Variants in XCR1 observed in about 807,000 individuals in gnomAD.
XCR1 encodes X-C motif chemokine receptor 1, also known as chemokine XC receptor 1.
For missense variants in XCR1, 356 were observed against 424.2 expected, an observed-to-expected ratio of 0.84 and a Z score of 1.41; for synonymous variants, 187 against 188.5, an observed-to-expected ratio of 0.99 and a Z score of 0.06.
chr3:46,051,663 G>C (rs1697746492), intron 5 of XCR1, among the ~76,000 whole-genome samples: 1 of 152,188 alleles, frequency 6.6e-6, no homozygotes, highest in Admixed American at 6.5e-5. Flanking sequence ...GGTGTAATTT[G>C]CAGGGAATAA....
chr3:46,029,603 T>C (rs1575412799), upstream of XCR1, among the ~76,000 whole-genome samples: 1 of 152,154 alleles, frequency 6.6e-6, no homozygotes, highest in Admixed American at 6.5e-5. Flanking sequence ...TACTCTTACC[T>C]CACATCATAT....
At chr3:46,026,344 C>T (rs1189967082) in intron 1 of XCR1, among the ~76,000 whole-genome samples, 1 of 152,094 alleles carries the variant, frequency 6.6e-6, no homozygotes, top group Non-Finnish European at 1.5e-5. Context: ...CTGGTTGTCT[C>T]TCTCCCTCCC....
intron 5 of XCR1, among the ~76,000 whole-genome samples, chr3:46,043,769 CCTACTTACA>C (rs1444895871): frequency 2.0e-4 from 29 of 147,594 alleles, no homozygotes; most frequent in African/African-American, 6.2e-4. Flanking sequence ...CACAAGAATG[CCTACTTACA>C]CTACTTCTAT....
At chr3:46,052,039 C>CGAAAAA (rs1697755932) in intron 5 of XCR1, among the ~76,000 whole-genome samples, 1 of 98,108 alleles carries the variant, frequency 1.0e-5, no homozygotes, top group Non-Finnish European at 2.0e-5. Context: ...AAAACAAAAA[C>CGAAAAA]AAAAAAAAAA....
Position 46,062,804 on chromosome 3 carries a change from G to A in XCR1, c.-183+4095C>T, listed in dbSNP as rs1012563219. On this transcript the variant is annotated intron_variant, in intron 4 of 5. Transcript: ENST00000683768. The stretch of plus-strand genomic sequence containing the variant: ...GTTGGCAGCATCCAGAGGGCCTGTC[G>A]TCTCCGATGGAACTCCTAGCCTATC... Among the ~76,000 whole-genome samples the A allele has an allele frequency of 2.6e-5, 4 of 152,354 alleles. No homozygotes were observed. In the East Asian group the frequency reaches 7.7e-4, roughly 29 times the overall value.
chr3:46,066,971 C>T (rs1698088809), exon 4 of XCR1, among the ~76,000 whole-genome samples: 2 of 147,076 alleles, frequency 1.4e-5, no homozygotes, highest in Admixed American at 1.4e-4. Context: ...AATGAGGAAG[C>T]CATATACCTG....
At chr3:46,082,395 A>G (rs745959773) in intron 1 of XCR1, among the ~76,000 whole-genome samples, 1 of 150,084 alleles carries the variant, frequency 6.7e-6, no homozygotes, top group South Asian at 2.3e-4. Flanking sequence ...TTATATGTGC[A>G]TATATACATG....
At chr3:46,078,610 A>G (rs1354126252) in intron 1 of XCR1, among the ~76,000 whole-genome samples, 2 of 152,320 alleles carry the variant, frequency 1.3e-5, no homozygotes, top group East Asian at 3.9e-4. Flanking sequence ...GCAATTTGAC[A>G]TTGGTGGTTT....
exon 1 of XCR1, among the ~76,000 whole-genome samples, chr3:46,085,817 G>C (rs984983562): frequency 6.6e-6 from 1 of 152,168 alleles, no homozygotes; most frequent in African/African-American, 2.4e-5. Flanking sequence ...TGGTGTGACA[G>C]CAGCATCTGG....
intron 1 of XCR1, chr3:46,024,202 T>C (rs1304577145): frequency 5.9e-6 from 2 of 339,514 alleles, no homozygotes; most frequent in Non-Finnish European, 1.0e-5. Flanking sequence ...AATACAGTAA[T>C]AGTTAATCCA....
At chr3:46,069,914 T>G (rs970912588) in intron 3 of XCR1, among the ~76,000 whole-genome samples, 3 of 151,984 alleles carry the variant, frequency 2.0e-5, no homozygotes, top group Non-Finnish European at 4.4e-5. Context: ...ATCTATTTTT[T>G]TTTTTGGATG....
At chr3:46,061,317 G>C (rs1575433035) in intron 4 of XCR1, among the ~76,000 whole-genome samples, 1 of 152,320 alleles carries the variant, frequency 6.6e-6, no homozygotes, top group East Asian at 1.9e-4. Context: ...ATGCTCAGCA[G>C]AGGCTGCAGC....
At chr3:46,026,534 A>G (rs1278675592) in intron 1 of XCR1, among the ~76,000 whole-genome samples, 2 of 151,882 alleles carry the variant, frequency 1.3e-5, no homozygotes, top group Admixed American at 6.6e-5. Flanking sequence ...AATATTATTT[A>G]TATGTTAGGT....
chr3:46,043,042 A>G lies in XCR1; in HGVS notation c.-32+10878T>C, dbSNP rs186636491. Among the ~76,000 whole-genome samples the G allele has an allele frequency of 2.0e-5, 3 of 152,356 alleles. No homozygotes were observed. In the East Asian group the frequency reaches 5.8e-4, roughly 29 times the overall value. On this transcript the variant is annotated intron_variant, in intron 5 of 5. Transcript: ENST00000683768. ...TATAAAAAAATCAATAATGTAATGC[A>G]TCACTTTAATAGAATATAAGGATAA...
chr3:46,044,042 C>A (rs1697582887), intron 5 of XCR1, among the ~76,000 whole-genome samples: 1 of 152,094 alleles, frequency 6.6e-6, no homozygotes, highest in African/African-American at 2.4e-5. Flanking sequence ...GTCACCCAGG[C>A]TAGAGTGCAG....
At chr3:46,075,788 C>T (rs1698248720) in intron 2 of XCR1, among the ~76,000 whole-genome samples, 1 of 152,068 alleles carries the variant, frequency 6.6e-6, no homozygotes. Context: ...CAAATGAGCA[C>T]ATGAAAATAT....
intron 1 of XCR1, among the ~76,000 whole-genome samples, chr3:46,084,083 A>G (rs9990060): frequency 0.3 from 46,160 of 152,126 alleles, 7,777 homozygotes; most frequent in African/African-American, 0.45. Context: ...GATGGAGCAA[A>G]CAACAGCAGC....
intron 5 of XCR1, among the ~76,000 whole-genome samples, chr3:46,047,849 G>C (rs4683166): frequency 0.22 from 33,999 of 152,100 alleles, 5,245 homozygotes; most frequent in African/African-American, 0.42. Context: ...CTTTAGGTCC[G>C]CAATGTCTCC....
chr3:46,060,578 T>A (rs1436528087), intron 4 of XCR1, among the ~76,000 whole-genome samples: 2 of 152,102 alleles, frequency 1.3e-5, no homozygotes. Context: ...CATTGTTGAA[T>A]CTCCTGGTGG....
Sources: gnomAD v4.1 joint callset for allele counts (sites outside exome capture counted in the v4.1 genomes callset) on GRCh38, gnomAD v4.1.1 for gene constraint, MANE v1.5 for transcripts, NCBI Gene and HGNC (gene_info 2026-07-23, HGNC 2026-07-21) for gene names.